Variants in GMDS observed in about 807,000 individuals in gnomAD.
GMDS encodes the protein GDP-mannose 4,6-dehydratase.
GMDS carries 20 observed loss-of-function variants against 49.9 expected under a neutral mutation model. That is an observed-to-expected ratio of 0.40 (90% CI 0.28 to 0.58). The LOEUF is 0.58. Ranked by LOEUF, GMDS falls within the 20% of genes least tolerant of loss-of-function variation. The pLI, the probability that GMDS is intolerant of heterozygous loss-of-function variation, is 0.42. For missense variants in GMDS, 362 were observed against 481.4 expected, an observed-to-expected ratio of 0.75 and a Z score of 2.32; for synonymous variants, 177 against 178.6, an observed-to-expected ratio of 0.99 and a Z score of 0.07.
chr6:2,125,011 A>G (rs1161895744), intron 1 of GMDS, among the ~76,000 whole-genome samples: 1 of 152,238 alleles, frequency 6.6e-6, no homozygotes, highest in African/African-American at 2.4e-5. Context: ...ATGAAGTTCC[A>G]GAATCAGATG....
intron 4 of GMDS, among the ~76,000 whole-genome samples, chr6:2,078,897 T>G (rs1478678454): frequency 2.6e-5 from 4 of 151,976 alleles, no homozygotes; most frequent in Non-Finnish European, 5.9e-5. Context: ...GTAGTCTCTC[T>G]CCTTAAATCT....
At chr6:2,185,378 A>G (rs1005507214) in intron 1 of GMDS, among the ~76,000 whole-genome samples, 1 of 152,202 alleles carries the variant, frequency 6.6e-6, no homozygotes, top group African/African-American at 2.4e-5. Flanking sequence ...CTTCCTCAAA[A>G]CTACTGCACT....
At chr6:1,989,057 A>T (rs11758621) in intron 4 of GMDS, among the ~76,000 whole-genome samples, 42,851 of 152,104 alleles carry the variant, frequency 0.28, 7,343 homozygotes, top group East Asian at 0.47. Context: ...TACAGTAATG[A>T]TCCTGACAAT....
At chr6:1,711,933 C>T (rs761468614) in intron 9 of GMDS, among the ~76,000 whole-genome samples, 15 of 152,182 alleles carry the variant, frequency 9.9e-5, no homozygotes, top group African/African-American at 3.4e-4. Context: ...AGTCACCAGC[C>T]GAACATGCCC....
At chr6:1,731,441 C>G (rs541981908) in intron 8 of GMDS, among the ~76,000 whole-genome samples, 1 of 152,280 alleles carries the variant, frequency 6.6e-6, no homozygotes, top group East Asian at 1.9e-4. Context: ...ACCACTGGGA[C>G]CAAGAGAAGG....
intron 4 of GMDS, among the ~76,000 whole-genome samples, chr6:1,962,152 C>G (rs528847686): frequency 6.6e-6 from 1 of 152,294 alleles, no homozygotes; most frequent in African/African-American, 2.4e-5. Context: ...ACATTCACAG[C>G]AGTAGATGCC....
chr6:2,209,487 TCACA>T (rs1434992565), intron 1 of GMDS, among the ~76,000 whole-genome samples: 1 of 152,032 alleles, frequency 6.6e-6, no homozygotes, highest in Non-Finnish European at 1.5e-5. Flanking sequence ...CAGTGGGTAC[TCACA>T]CACCTGCTGT....
At chr6:2,141,424 ATATTGTGT>A (rs1776280715) in intron 1 of GMDS, among the ~76,000 whole-genome samples, 1 of 152,214 alleles carries the variant, frequency 6.6e-6, no homozygotes, top group African/African-American at 2.4e-5. Flanking sequence ...AATTTCAAAA[ATATTGTGT>A]GAAACTAGGG....
chr6:1,703,188 T>C (rs1366480639), intron 9 of GMDS, among the ~76,000 whole-genome samples: 2 of 152,146 alleles, frequency 1.3e-5, no homozygotes, highest in Admixed American at 1.3e-4. Context: ...GCACAGGGCA[T>C]GGTAGGGAAA....
At chr6:1,649,661 A>G (rs73398762) in intron 9 of GMDS, among the ~76,000 whole-genome samples, 15,199 of 152,270 alleles carry the variant, frequency 0.1, 993 homozygotes, top group African/African-American at 0.18. Context: ...GCCAAAGGGC[A>G]TCTTTTTCCC....
intron 7 of GMDS, among the ~76,000 whole-genome samples, chr6:1,840,845 T>G (rs1482688293): frequency 6.6e-6 from 1 of 152,176 alleles, no homozygotes; most frequent in Non-Finnish European, 1.5e-5. Flanking sequence ...CAAACAGCGT[T>G]CGGGTTGGTT....
chr6:1,651,055 C>T (rs530117260), intron 9 of GMDS, among the ~76,000 whole-genome samples: 4 of 152,328 alleles, frequency 2.6e-5, no homozygotes, highest in African/African-American at 9.6e-5. Context: ...GAGTGGTTTT[C>T]CTGGGCCCTG....
At chr6:2,162,108 C>T (rs1013498884) in intron 1 of GMDS, among the ~76,000 whole-genome samples, 7 of 152,120 alleles carry the variant, frequency 4.6e-5, no homozygotes, top group African/African-American at 1.7e-4. Flanking sequence ...CATTCATAGA[C>T]AAAAATCTCT....
chr6:1,996,540 C>T (rs1034829702), intron 4 of GMDS, among the ~76,000 whole-genome samples: 2 of 152,172 alleles, frequency 1.3e-5, no homozygotes, highest in Non-Finnish European at 1.5e-5. Flanking sequence ...GAAGGGCTAG[C>T]GTAGTATCCT....
chr6:1,813,245 A>C (rs1770519486), intron 7 of GMDS, among the ~76,000 whole-genome samples: 2 of 151,254 alleles, frequency 1.3e-5, no homozygotes, highest in African/African-American at 2.4e-5. Flanking sequence ...AAAAAAAAAA[A>C]AAACCTTAAT....
At chr6:1,936,227 T>G (rs754848057) in intron 6 of GMDS, among the ~76,000 whole-genome samples, 1 of 152,154 alleles carries the variant, frequency 6.6e-6, no homozygotes, top group African/African-American at 2.4e-5. Flanking sequence ...GAATAAAATA[T>G]CATGCTACAG....
At chr6:1,888,970 C>T (rs980365941) in intron 7 of GMDS, among the ~76,000 whole-genome samples, 2 of 152,196 alleles carry the variant, frequency 1.3e-5, no homozygotes, top group Middle Eastern at 3.2e-3. Flanking sequence ...AAGAGGTGGG[C>T]CCCCATGGCC....
chr6:2,241,649 A>G (rs1781619839), intron 1 of GMDS, among the ~76,000 whole-genome samples: 1 of 152,010 alleles, frequency 6.6e-6, no homozygotes, highest in South Asian at 2.1e-4. Flanking sequence ...AGAGCCTGGC[A>G]CCCCACACCC....
chr6:1,866,669 A>T (rs1467309603), intron 7 of GMDS, among the ~76,000 whole-genome samples: 1 of 152,264 alleles, frequency 6.6e-6, no homozygotes, highest in African/African-American at 2.4e-5. Context: ...TTTTTAAAAA[A>T]GGTAATGCAT....
Sources: allele counts gnomAD v4.1 joint callset (sites outside exome capture counted in the v4.1 genomes callset), GRCh38; gene constraint gnomAD v4.1.1; transcripts MANE v1.5; gene names NCBI Gene and HGNC (gene_info 2026-07-23, HGNC 2026-07-21).